The following DEPTOR variants were observed in gnomAD, a reference collection of about 807,000 sequenced individuals.
DEPTOR encodes DEP domain containing MTOR interacting protein.
Under a neutral mutation model 41.6 loss-of-function variants are expected in DEPTOR, and 41 were observed. The ratio of observed to expected loss-of-function variants is 0.98; its 90% CI spans 0.77 to 1.28. The LOEUF (loss-of-function observed/expected upper bound fraction) is 1.28. Among genes scored for constraint, DEPTOR ranks in the 50% most tolerant of loss-of-function variants. The pLI, the probability that DEPTOR is intolerant of heterozygous loss-of-function variation, is 0.00. For missense variants in DEPTOR, 514 were observed against 527.9 expected (o/e 0.97, Z 0.26); for synonymous variants, 195 against 192.3 (o/e 1.01, Z -0.12).
intron 1 of DEPTOR, among the ~76,000 whole-genome samples, chr8:119,874,657 G>C (rs1335793235): frequency 6.6e-6 from 1 of 152,120 alleles, no homozygotes; most frequent in African/African-American, 2.4e-5. Context: ...CCCCGGGCTC[G>C]CACGTTTTGG....
At chr8:119,951,140 T>C (rs1000624404) in intron 3 of DEPTOR, among the ~76,000 whole-genome samples, 3 of 152,128 alleles carry the variant, frequency 2.0e-5, no homozygotes, top group Non-Finnish European at 4.4e-5. Flanking sequence ...TCACTTCATC[T>C]TACCTCTCCT....
chr8:119,874,120 C>A (rs536408740), intron 1 of DEPTOR, 152 bp downstream of exon 1: 1 of 1,280,912 alleles, frequency 7.8e-7, no homozygotes, highest in East Asian at 2.7e-5. Context: ...TCGGTGCGCC[C>A]GCGCTTAGCT....
chr8:120,002,791 A>AATATATATATATATATATATATATATAT (rs1177103228), intron 5 of DEPTOR, among the ~76,000 whole-genome samples, 186 bp from the exon 6 acceptor site: 32 of 60,592 alleles, frequency 5.3e-4, no homozygotes, highest in Non-Finnish European at 7.2e-4. Flanking sequence ...AAAAAAAAAA[A>AATATATATATATATATATATATATATAT]ATATATATAT....
intron 1 of DEPTOR, among the ~76,000 whole-genome samples, chr8:119,914,607 T>C (rs940607987): frequency 1.3e-5 from 2 of 151,926 alleles, no homozygotes; most frequent in African/African-American, 4.8e-5. Flanking sequence ...GCCAGGCTAA[T>C]TTTTGTACTT....
intron 3 of DEPTOR, among the ~76,000 whole-genome samples, chr8:119,959,231 C>T (rs1563976265): frequency 2.8e-5 from 4 of 143,642 alleles, no homozygotes; most frequent in South Asian, 2.2e-4. Context: ...GGCGCCATCT[C>T]GGCTCACTGC....
chr8:119,935,272 A>T (rs934305571), intron 3 of DEPTOR, among the ~76,000 whole-genome samples: 4 of 152,154 alleles, frequency 2.6e-5, no homozygotes, highest in African/African-American at 9.7e-5. Context: ...CAAACAGTAC[A>T]ATTTTTACTT....
intron 3 of DEPTOR, among the ~76,000 whole-genome samples, chr8:119,944,739 C>T (rs1388505081): frequency 6.6e-6 from 1 of 150,814 alleles, no homozygotes; most frequent in Non-Finnish European, 1.5e-5. Flanking sequence ...ACTGCAACCT[C>T]CGCCTCCTGG....
chr8:119,880,089 C>T (rs1223349979), intron 1 of DEPTOR, among the ~76,000 whole-genome samples: 5 of 151,736 alleles, frequency 3.3e-5, no homozygotes, highest in African/African-American at 1.2e-4. Flanking sequence ...TTGCAGTGAG[C>T]CGAGATTGCG....
intron 8 of DEPTOR, among the ~76,000 whole-genome samples, chr8:120,038,268 C>CAAA (rs71771968): frequency 1.7e-5 from 2 of 116,618 alleles, no homozygotes; most frequent in Admixed American, 9.8e-5. Context: ...GAGTCTGTCT[C>CAAA]AAAAAAAAAA....
chr8:119,879,590 T>A (rs1416973010), intron 1 of DEPTOR, among the ~76,000 whole-genome samples: 1 of 151,300 alleles, frequency 6.6e-6, no homozygotes, highest in Non-Finnish European at 1.5e-5. Context: ...TACATGCCTA[T>A]AGTCCCATCT....
chr8:119,879,058 C>T (rs916961495), intron 1 of DEPTOR, among the ~76,000 whole-genome samples: 5 of 151,408 alleles, frequency 3.3e-5, no homozygotes, highest in Admixed American at 3.3e-4. Flanking sequence ...TGTAGTGAGC[C>T]GAGATCGCGC....
At chr8:119,902,781 G>A (rs971713701) in intron 1 of DEPTOR, among the ~76,000 whole-genome samples, 1 of 152,162 alleles carries the variant, frequency 6.6e-6, no homozygotes, top group Admixed American at 6.6e-5. Flanking sequence ...TCTTAAGTTG[G>A]ATGAGGAATT....
intron 1 of DEPTOR, among the ~76,000 whole-genome samples, chr8:119,899,258 T>A (rs1426209596): frequency 6.6e-6 from 1 of 152,200 alleles, no homozygotes; most frequent in Non-Finnish European, 1.5e-5. Context: ...AAACCTGTTA[T>A]TTAGCTGGAT....
In DEPTOR at chr8:119,924,798, C is replaced by T. The variant is rs1827943523; in HGVS notation, c.123-3602C>T. Among the ~76,000 whole-genome samples, 2 of 152,008 alleles carry T rather than the reference C, an allele frequency of 1.3e-5. 1 individual carries two copies. The highest frequency in any genetic ancestry group is 4.1e-4 in the South Asian group (2 of 4,824). ...GCAGGTTTGTTACATGAATAAACTG[C>T]ATATTGCAGGGGTTTGGCGTACAGA... On this transcript the variant is annotated intron_variant, in intron 1 of 8. Transcript: ENST00000286234.
intron 3 of DEPTOR, among the ~76,000 whole-genome samples, chr8:119,963,562 G>C (rs976407780): frequency 6.6e-6 from 1 of 152,038 alleles, no homozygotes; most frequent in African/African-American, 2.4e-5. Flanking sequence ...TGTTGCCCAG[G>C]CTAATCTCAA....
intron 3 of DEPTOR, among the ~76,000 whole-genome samples, chr8:119,946,834 A>G (rs1236233903): frequency 2.0e-5 from 3 of 152,230 alleles, no homozygotes; most frequent in Non-Finnish European, 4.4e-5. Flanking sequence ...TCTAGAATAT[A>G]AAACATTCTT....
rs1828687669 is a variant in DEPTOR at position 119,975,648 on chromosome 8, G to T, written c.604+10238G>T. Among the ~76,000 whole-genome samples the T allele has an allele frequency of 2.6e-5, 4 of 152,044 alleles. 1 individual carries two copies. In the South Asian group the frequency reaches 8.3e-4, roughly 32 times the overall value. The stretch of plus-strand genomic sequence containing the variant: ...ATTTTCAGTATACTGACTTATCAGG[G>T]TTATTTGCTAAAACTGGGCTGGGTA... On this transcript the variant is annotated intron_variant, in intron 4 of 8. Transcript: ENST00000286234.
chr8:119,970,740 G>A (rs536504025), intron 4 of DEPTOR, among the ~76,000 whole-genome samples: 52 of 152,284 alleles, frequency 3.4e-4, no homozygotes, highest in African/African-American at 1.2e-3. Flanking sequence ...ACAGTGAAAG[G>A]ATACACAGCA....
intron 4 of DEPTOR, among the ~76,000 whole-genome samples, chr8:119,979,279 T>C (rs1828733683): frequency 6.6e-6 from 1 of 152,134 alleles, no homozygotes; most frequent in South Asian, 2.1e-4. Flanking sequence ...TTCATCCAGC[T>C]TTTTTTCTTT....
Sources: allele counts gnomAD v4.1 joint callset (sites outside exome capture counted in the v4.1 genomes callset), GRCh38; gene constraint gnomAD v4.1.1; transcripts MANE v1.5; gene names NCBI Gene and HGNC (gene_info 2026-07-23, HGNC 2026-07-21).